The following OGG1 variants were observed in gnomAD, a reference collection of about 807,000 sequenced individuals.
The protein encoded by OGG1 is N-glycosylase/DNA lyase.
In OGG1, 35 loss-of-function variants were observed where a neutral mutation model predicts 42.3. That is an observed-to-expected ratio of 0.83 (90% CI 0.63 to 1.10). The LOEUF is 1.10. Among genes scored for constraint, OGG1 ranks in the 50% least tolerant of loss-of-function variants. The pLI is 0.00. For synonymous variants in OGG1, 189 were observed against 179.0 expected (o/e 1.06, Z -0.44); for missense variants, 484 against 446.7 (o/e 1.08, Z -0.75).
chr3:9,765,960 C>T, exon 8 of OGG1: 2 of 1,614,202 alleles, frequency 1.2e-6, no homozygotes, highest in Middle Eastern at 3.3e-4. Context: ...TCCTCCATTC[C>T]CTATGGGTTC....
downstream of OGG1, chr3:9,761,172 GATTT>G: frequency 2.6e-6 from 1 of 382,422 alleles, no homozygotes; most frequent in Non-Finnish European, 4.8e-6. Context: ...TCAGTTTGTA[GATTT>G]ATTTACTTGT....
Position 9,762,790 on chromosome 3 carries a change from C to T in OGG1, c.1049-3019C>T, listed in dbSNP as rs1468335798. 5 of 905,238 alleles carry T rather than the reference C, an allele frequency of 5.5e-6. No individual in the cohort carries two copies. The East Asian group carries it at 1.2e-4, about 22-fold the overall frequency. 56.1% of individuals were successfully genotyped at this position (905,238 alleles called of 1,614,324 possible). A position where few individuals can be genotyped will look rare whatever the true frequency, so the allele number is the denominator to read the frequency against. ...GAGGCAGTTTAAAGGTTACAAGATC[C>T]ACTTTGTAGATGGAAATCCAAGGCT... On this transcript the variant is annotated intron_variant, in intron 7 of 7. Coordinates refer to the OGG1 transcript ENST00000302008.
intron 3 of OGG1, chr3:9,787,309 C>T: frequency 3.7e-6 from 6 of 1,613,598 alleles, no homozygotes; most frequent in African/African-American, 1.3e-5. Context: ...CTGGGCCCAG[C>T]GCTGGGAGTA....
rs754133948 is a variant in OGG1 at position 9,751,123 on chromosome 3, C to G, written c.316C>G (p.Leu106Val). The change falls in exon 2 of 7, where the codon CTG (leucine) becomes GTG (valine). Residue 106 changes from leucine to valine, a missense_variant. Coordinates refer to ENST00000344629, the MANE Select transcript of OGG1 (RefSeq NM_002542.6). Reference protein sequence around the residue: ...VRKYFQLDVTLAQLYHHWGSV... With the variant: ...VRKYFQLDVTVAQLYHHWGSV... The stretch of plus-strand genomic sequence containing the variant: ...CAAGTACTTCCAGCTAGATGTTACC[C>G]TGGCTCAACTGTATCACCACTGGGG... 2.5e-5 allele frequency: 41 copies of G among 1,614,058 alleles called. No homozygotes were observed. Among genetic ancestry groups the G allele is most frequent in the South Asian group, 1.1e-5 (1 of 91,074 alleles).
intron 4 of OGG1, 108 bp from the exon 5 acceptor site, chr3:9,756,363 A>G (rs769167032): frequency 3.1e-5 from 34 of 1,101,794 alleles, no homozygotes; most frequent in Non-Finnish European, 4.7e-5. Context: ...ATATAGAACA[A>G]CAGTAACCCC....
intron 3 of OGG1, 64 bp downstream of exon 3, chr3:9,752,013 C>G: frequency 6.7e-7 from 1 of 1,499,422 alleles, no homozygotes; most frequent in Non-Finnish European, 9.3e-7. Context: ...TCATTTCTCC[C>G]CTGGTTACCT....
chr3:9,760,700 T>A (rs1237842964), downstream of OGG1: 1 of 1,614,094 alleles, frequency 6.2e-7, no homozygotes, highest in East Asian at 2.2e-5. Flanking sequence ...AAACTCGTAC[T>A]CGGCCTTCAA....
chr3:9,759,509 GTTC>G (rs745642487), downstream of OGG1: 10 of 1,614,072 alleles, frequency 6.2e-6, no homozygotes, highest in East Asian at 2.2e-5. Flanking sequence ...TCTTGGCAAA[GTTC>G]TTCTTGATCT....
At chr3:9,752,291 C>G (rs1256444272) in intron 3 of OGG1, among the ~76,000 whole-genome samples, 2 of 152,102 alleles carry the variant, frequency 1.3e-5, no homozygotes, top group Non-Finnish European at 2.9e-5. Flanking sequence ...TATTTAGCAT[C>G]TCTGTACTAA....
chr3:9,750,919 AG>A, intron 1 of OGG1, 25 bp from the exon 2 acceptor site: 4 of 1,613,564 alleles, frequency 2.5e-6, no homozygotes, highest in Non-Finnish European at 3.4e-6. Flanking sequence ...ATTGAGTGCC[AG>A]GGTTGTCATG....
At chr3:9,775,701 G>A (rs1476556686) in intron 2 of OGG1, among the ~76,000 whole-genome samples, 1 of 150,996 alleles carries the variant, frequency 6.6e-6, no homozygotes, top group Non-Finnish European at 1.5e-5. Context: ...GTGCAGTGGT[G>A]TGATCTCTGC....
rs759429495 is a variant in OGG1, at chr3:9,756,495, GC to G, written c.775del (p.Leu259Ter). The part of the protein sequence containing the change: ...TKVADCICLM[A>X]LDKPQAVPVD... Reference sequence around the variant, plus strand: ...GGTGGCTGACTGCATCTGCCTGATGGCCCTAGACAAGCCCCAGGCTGTGCCC... The same window carrying G: ...GGTGGCTGACTGCATCTGCCTGATGGCCTAGACAAGCCCCAGGCTGTGCCC... On this transcript the variant is annotated frameshift_variant, in exon 5 of 7. Coordinates refer to ENST00000344629, the MANE Select transcript of OGG1 (RefSeq NM_002542.6). LOFTEE classifies it high-confidence loss of function. The G allele has an allele frequency of 3.1e-6, 5 of 1,614,142 alleles. No individual in the cohort carries two copies. In the South Asian group the frequency reaches 5.5e-5, roughly 18 times the overall value.
chr3:9,762,894 C>T, intron 7 of OGG1: 1 of 1,613,540 alleles, frequency 6.2e-7, no homozygotes, highest in South Asian at 1.1e-5. Context: ...CCTAGCTCAC[C>T]ACACCCCCTT....
At chr3:9,783,932 G>C (rs1191366044) in intron 3 of OGG1, 1 of 1,446,530 alleles carries the variant, frequency 6.9e-7, no homozygotes, top group African/African-American at 1.4e-5. Context: ...GGCCAGCCAG[G>C]ATTGGAAAGC....
chr3:9,785,556 G>A (rs1188763816), intron 3 of OGG1: 2 of 636,264 alleles, frequency 3.1e-6, no homozygotes, highest in East Asian at 5.6e-5. Flanking sequence ...ACCGTGGGAA[G>A]CCTTCCCATA....
At position 9,754,696 on chromosome 3, in the gene OGG1, C is replaced by G. The variant is rs757378551; in HGVS notation, c.566-8C>G. ...CCTGATGCTTGCCCTCCTCCTCACT[C>G]CCCGCAGGGCCAGAGGTGGAGGCTC... On this transcript the variant is annotated splice_region_variant and splice_polypyrimidine_tract_variant and intron_variant, in intron 3 of 6. Coordinates refer to ENST00000344629, the MANE Select transcript of OGG1 (RefSeq NM_002542.6). 4.2e-5 allele frequency: 67 copies of G among 1,613,750 alleles called. No homozygotes were observed. Among genetic ancestry groups the G allele is most frequent in the Admixed American group, 1.2e-4 (7 of 59,958 alleles).
chr3:9,765,733 G>A, intron 7 of OGG1: 5 of 1,612,444 alleles, frequency 3.1e-6, no homozygotes, highest in Non-Finnish European at 3.4e-6. Flanking sequence ...TCAGCTTGGG[G>A]CAGGGAAAGG....
intron 2 of OGG1, among the ~76,000 whole-genome samples, chr3:9,781,098 C>A (rs2078449968): frequency 6.6e-6 from 1 of 151,992 alleles, no homozygotes; most frequent in African/African-American, 2.4e-5. Context: ...CCACTACACT[C>A]CAGTCTGGGC....
At chr3:9,753,832 T>C (rs2077418048) in intron 3 of OGG1, among the ~76,000 whole-genome samples, 1 of 152,178 alleles carries the variant, frequency 6.6e-6, no homozygotes, top group South Asian at 2.1e-4. Flanking sequence ...CAGTGTAGTG[T>C]AATGGGTTAA....
Sources: gnomAD v4.1 joint callset for allele counts (sites outside exome capture counted in the v4.1 genomes callset) on GRCh38, gnomAD v4.1.1 for gene constraint, MANE v1.5 for transcripts, NCBI Gene and HGNC (gene_info 2026-07-23, HGNC 2026-07-21) for gene names.